Variants in PREX1 observed in about 807,000 individuals in gnomAD.
PREX1 encodes phosphatidylinositol-3,4,5-trisphosphate dependent Rac exchange factor 1.
PREX1 carries 41 observed loss-of-function variants against 198.3 expected under a neutral mutation model. That is an observed-to-expected ratio of 0.21 (90% confidence interval 0.16 to 0.27). PREX1 has a LOEUF of 0.27. PREX1 is among the 10% of genes least tolerant of loss of function. The pLI is 1.00. For missense variants in PREX1, 1,620 were observed against 2,200.7 expected (o/e 0.74, Z 5.28); for synonymous variants, 843 against 887.2 (o/e 0.95, Z 0.89).
chr20:48,632,111 T>C (rs912451619), intron 35 of PREX1, among the ~76,000 whole-genome samples, 166 bp downstream of exon 35: 2 of 152,208 alleles, frequency 1.3e-5, no homozygotes, highest in African/African-American at 2.4e-5. Context: ...CCTGCTGCCA[T>C]TGAGAATCTC....
At chr20:48,680,705 C>A (rs2089743735) in intron 11 of PREX1, among the ~76,000 whole-genome samples, 1 of 152,064 alleles carries the variant, frequency 6.6e-6, no homozygotes, top group African/African-American at 2.4e-5. Flanking sequence ...GTCCTGGTTC[C>A]AATGTTACCT....
intron 7 of PREX1, among the ~76,000 whole-genome samples, chr20:48,696,782 C>CA (rs1361716221): frequency 6.6e-6 from 1 of 152,104 alleles, no homozygotes; most frequent in Non-Finnish European, 1.5e-5. Flanking sequence ...AGCTCAAAAT[C>CA]AAGAAGATTC....
At position 48,681,487 on chromosome 20, in the gene PREX1, G is replaced by A; in HGVS notation, c.1335-152C>T. On this transcript the variant is annotated intron_variant, in intron 10 of 39. Transcript: ENST00000371941. Reference sequence around the variant, plus strand: ...AGTGTAGTAGTCTATAGCCCTTGGGGTTGTACTGAGGCTTCATGCTTATTA... The same window carrying A: ...AGTGTAGTAGTCTATAGCCCTTGGGATTGTACTGAGGCTTCATGCTTATTA... 11 of 744,672 alleles carry A rather than the reference G, an allele frequency of 1.5e-5. No individual in the cohort carries two copies. The South Asian group carries it at 1.6e-4, about 11-fold the overall frequency. 46.1% of individuals were successfully genotyped at this position (744,672 alleles called of 1,614,324 possible). A position where few individuals can be genotyped will look rare whatever the true frequency, so the allele number is the denominator to read the frequency against.
At chr20:48,743,192 G>A (rs977835783) in intron 3 of PREX1, among the ~76,000 whole-genome samples, 8 of 152,226 alleles carry the variant, frequency 5.3e-5, no homozygotes, top group Admixed American at 4.6e-4. Context: ...CTTGCCCAAG[G>A]TCACTGGGCT....
At chr20:48,808,547 C>A (rs2123035639) in intron 1 of PREX1, among the ~76,000 whole-genome samples, 1 of 152,312 alleles carries the variant, frequency 6.6e-6, no homozygotes, top group Admixed American at 6.5e-5. Flanking sequence ...CACCTCCTAT[C>A]ATCTACCCGC....
At chr20:48,628,527 C>A (rs931311915) in intron 37 of PREX1, among the ~76,000 whole-genome samples, 2 of 152,168 alleles carry the variant, frequency 1.3e-5, no homozygotes, top group Non-Finnish European at 1.5e-5. Context: ...CCTGGCCCAG[C>A]TGGAGGGGCT....
chr20:48,785,802 C>A (rs2122940981), intron 1 of PREX1, among the ~76,000 whole-genome samples: 1 of 152,328 alleles, frequency 6.6e-6, no homozygotes, highest in Non-Finnish European at 1.5e-5. Flanking sequence ...AAAAAGTGCA[C>A]CAATGTCCCC....
chr20:48,688,114 G>T (rs1371601526), intron 10 of PREX1, among the ~76,000 whole-genome samples: 1 of 152,014 alleles, frequency 6.6e-6, no homozygotes, highest in African/African-American at 2.4e-5. Context: ...GTGGGGGTGG[G>T]GGGCCTACCT....
chr20:48,684,315 C>T lies in PREX1; in HGVS notation c.1335-2980G>A, dbSNP rs546393985. On this transcript the variant is annotated intron_variant, in intron 10 of 39. Coordinates refer to ENST00000371941, the MANE Select transcript of PREX1 (RefSeq NM_020820.4). This position sits in a 1 kb window ranked among gnomAD's most constrained non-coding sequence, Gnocchi z 4.2. ...GTTCTTGCCTGATTCCTCCATGGGCCGTGGGCTCCAAGAGGGTAGGGACTG... is the reference window on the plus strand; with the variant it reads ...GTTCTTGCCTGATTCCTCCATGGGCTGTGGGCTCCAAGAGGGTAGGGACTG... Among the ~76,000 whole-genome samples the T allele has an allele frequency of 1.4e-4, 22 of 152,160 alleles. No homozygotes were observed. The highest frequency in any genetic ancestry group is 3.9e-4 in the Admixed American group (6 of 15,282).
rs143402247 is a variant in PREX1 at position 48,797,735 on chromosome 20, G to A, written c.219+29907C>T. The stretch of plus-strand genomic sequence containing the variant: ...GCTGCTCGTGGCCCTGGCACAGGGC[G>A]CCAGGCCTGCAATGGCAGCTCTGTC... On this transcript the variant is annotated intron_variant, in intron 1 of 39. Coordinates refer to ENST00000371941, the MANE Select transcript of PREX1 (RefSeq NM_020820.4). 3.9e-4 allele frequency among the ~76,000 whole-genome samples: 60 copies of A among 152,344 alleles called. 1 individual carries two copies. The highest frequency in any genetic ancestry group is 1.4e-3 in the African/African-American group (58 of 41,584).
In PREX1 at chr20:48,624,447, G is replaced by C. The variant is rs8114388; in HGVS notation, c.*1438C>G. 6.6e-6 allele frequency: 1 copy of C among 152,558 alleles called. No homozygotes were observed. Among genetic ancestry groups the C allele is most frequent in the African/African-American group, 2.4e-5 (1 of 41,412 alleles). 9.5% of individuals were successfully genotyped at this position (152,558 alleles called of 1,614,324 possible). A position where few individuals can be genotyped will look rare whatever the true frequency, so the allele number is the denominator to read the frequency against. Reference sequence around the variant, plus strand: ...AGTGACAAGGCCACTGCCTGCCCTCGTGTATGCTGCGGCAAGAGAGGGAAG... The same window carrying C: ...AGTGACAAGGCCACTGCCTGCCCTCCTGTATGCTGCGGCAAGAGAGGGAAG... On this transcript the variant is annotated 3_prime_UTR_variant, in exon 40 of 40. Transcript: ENST00000371941.
the PREX1 span, among the ~76,000 whole-genome samples, chr20:48,881,157 G>A: frequency 3.3e-5 from 5 of 152,102 alleles, no homozygotes; most frequent in African/African-American, 1.2e-4. Flanking sequence ...ATTCAGCGTG[G>A]GGGAGTGGGT....
At chr20:48,841,671 C>T in the PREX1 span, among the ~76,000 whole-genome samples, 1 of 152,184 alleles carries the variant, frequency 6.6e-6, no homozygotes, top group Non-Finnish European at 1.5e-5. Flanking sequence ...TCTCAATGAA[C>T]AACCCAGGCA....
Position 48,642,262 on chromosome 20 carries a change from G to A in PREX1, c.3685-4C>T. ...GGAGAGCATTGATGGAGTCCACCTG[G>A]GTGGCAAGAAGCCTGGGGTTGGTTT... On this transcript the variant is annotated splice_polypyrimidine_tract_variant and splice_region_variant and intron_variant, in intron 28 of 39. Transcript: ENST00000371941. The A allele has an allele frequency of 1.2e-6, 2 of 1,614,132 alleles. No homozygotes were observed. The highest frequency in any genetic ancestry group is 1.1e-5 in the South Asian group (1 of 91,074).
chr20:48,642,717 T>C, intron 27 of PREX1: 2 of 482,220 alleles, frequency 4.1e-6, no homozygotes, highest in South Asian at 6.8e-5. Context: ...ATGACAAGAT[T>C]GTAAAGCACT....
chr20:48,652,445 AG>A, intron 21 of PREX1, 140 bp downstream of exon 21: 2 of 1,198,302 alleles, frequency 1.7e-6, no homozygotes, highest in Non-Finnish European at 2.3e-6. Context: ...GTCTCCAAAA[AG>A]GAAAAAAAAA....
At chr20:48,747,771 A>G in intron 2 of PREX1, 38 bp downstream of exon 2, 1 of 1,571,932 alleles carries the variant, frequency 6.4e-7, no homozygotes, top group Non-Finnish European at 8.7e-7. Flanking sequence ...AAAGCAACAC[A>G]GATGCTCTAG....
chr20:48,821,407 T>C (rs916239825), intron 1 of PREX1, among the ~76,000 whole-genome samples: 1 of 152,174 alleles, frequency 6.6e-6, no homozygotes, highest in Non-Finnish European at 1.5e-5. Context: ...ATGACCCACC[T>C]GGCTTCTGTT....
chr20:48,747,674 G>A (rs2090115208), intron 2 of PREX1, 135 bp downstream of exon 2: 1 of 971,182 alleles, frequency 1.0e-6, no homozygotes. Flanking sequence ...GCTGGGGCAG[G>A]GCAAAGCTGG....
Sources: gnomAD v4.1 joint callset for allele counts (sites outside exome capture counted in the v4.1 genomes callset) on GRCh38, gnomAD v4.1.1 for gene constraint, Gnocchi (gnomAD v3.1) non-coding constraint, MANE v1.5 for transcripts, NCBI Gene and HGNC (gene_info 2026-07-23, HGNC 2026-07-21) for gene names.